AMOTL1: variants seen among roughly 807,000 people sequenced by gnomAD.
AMOTL1 encodes the protein angiomotin like 1.
A neutral mutation model predicts 102.9 loss-of-function variants in AMOTL1; 45 were observed. The observed-to-expected ratio is 0.44, with a 90% CI of 0.34 to 0.56. The LOEUF (loss-of-function observed/expected upper bound fraction) is 0.56, where lower values mean the gene tolerates loss of function less well. Among genes scored for constraint, AMOTL1 ranks in the 20% least tolerant of loss-of-function variants. AMOTL1 has a pLI of 0.01. For missense variants in AMOTL1, 1,114 were observed against 1,225.6 expected (o/e 0.91, Z 1.36); for synonymous variants, 481 against 484.7 (o/e 0.99, Z 0.10).
At chr11:94,707,337 T>C (rs1157017069) in intron 1 of AMOTL1, among the ~76,000 whole-genome samples, 1 of 151,296 alleles carries the variant, frequency 6.6e-6, no homozygotes, top group African/African-American at 2.4e-5. Context: ...CAACACTTCC[T>C]ATGAGTTATA....
chr11:94,832,807 T>G (rs917059707), intron 6 of AMOTL1, among the ~76,000 whole-genome samples: 6 of 152,254 alleles, frequency 3.9e-5, no homozygotes, highest in Non-Finnish European at 8.8e-5. Context: ...TTAGTGTCTT[T>G]GGCAGGTATG....
chr11:94,808,419 C>T (rs1188090344), intron 3 of AMOTL1, among the ~76,000 whole-genome samples: 1 of 152,176 alleles, frequency 6.6e-6, no homozygotes, highest in Non-Finnish European at 1.5e-5. Context: ...TCACTACATC[C>T]TTTTTCTATT....
At chr11:94,772,656 A>G (rs1950971405) in intron 1 of AMOTL1, among the ~76,000 whole-genome samples, 1 of 152,206 alleles carries the variant, frequency 6.6e-6, no homozygotes, top group African/African-American at 2.4e-5. Flanking sequence ...TATTTCACAT[A>G]AAGTTTTTAT....
Position 94,795,032 on chromosome 11 carries a change from G to T in AMOTL1, c.71G>T (p.Ser24Ile), listed in dbSNP as rs777772077. Residue 24 changes from serine (S) to isoleucine (I), a missense_variant, in exon 2 of 13, where the codon AGC becomes ATC. Ser to Ile is a moderately radical substitution (Grantham distance 142, BLOSUM62 -2). Transcript: ENST00000433060. The part of the protein sequence containing the change: ...AVKGSPSACY[S>I]PSSPVQVLED... ...CCAGGGTCCCCTTCTGCTTGTTATA[G>T]CCCCAGTAGTCCTGTCCAGGTTCTA... is the stretch of plus-strand genomic sequence containing the variant. 1 of 1,611,190 alleles carries T rather than the reference G, an allele frequency of 6.2e-7. No individual in the cohort carries two copies. The highest frequency in any genetic ancestry group is 8.5e-7 in the Non-Finnish European group (1 of 1,179,074).
At position 94,830,210 on chromosome 11, in the gene AMOTL1, TTCTC is replaced by T. The variant is rs1565371612; in HGVS notation, c.1558+20_1558+23del. The stretch of plus-strand genomic sequence containing the variant: ...GACCTCCGAGGCAGGTTTATTCATG[TTCTC>T]TCTATCTAAACTACCTGTAGAGTTT... On this transcript the variant is annotated intron_variant, in intron 5 of 12. Transcript: ENST00000433060. 2 of 1,586,644 alleles carry T rather than the reference TTCTC, an allele frequency of 1.3e-6. No homozygotes were observed. The highest frequency in any genetic ancestry group is 1.7e-6 in the Non-Finnish European group (2 of 1,169,046).
intron 1 of AMOTL1, among the ~76,000 whole-genome samples, chr11:94,714,837 C>A (rs1162071761): frequency 6.6e-6 from 1 of 151,958 alleles, no homozygotes; most frequent in African/African-American, 2.4e-5. Flanking sequence ...TTCATGAATT[C>A]TTTCTATTGC....
Position 94,869,492 on chromosome 11 carries a change from C to T in AMOTL1, c.2764+19C>T, listed in dbSNP as rs754431753. 1 of 1,571,856 alleles carries T rather than the reference C, an allele frequency of 6.4e-7. No individual in the cohort carries two copies. The highest frequency in any genetic ancestry group is 2.3e-5 in the East Asian group (1 of 43,184). ...AAACTGGGTATGTGGGCTACCCCAC[C>T]TTGATGCCCCTGAAAACTGTGGAAC... On this transcript the variant is annotated intron_variant, in intron 12 of 12. Coordinates refer to ENST00000433060, the MANE Select transcript of AMOTL1 (RefSeq NM_130847.3).
rs376729197 is a variant in AMOTL1, at chr11:94,799,699, C to G, written c.509C>G (p.Thr170Arg). The change falls in exon 3 of 13, where the codon ACG becomes AGG. Residue 170 changes from threonine to arginine, a missense_variant. Coordinates refer to ENST00000433060, the MANE Select transcript of AMOTL1 (RefSeq NM_130847.3). This position sits in a 1 kb window ranked among gnomAD's most constrained non-coding sequence, Gnocchi z 4.5. ...GGTCAAGAACACCAGGTGGACAATACGGTGATGGAGAAACAGGTCCGGTCC... is the reference window on the plus strand; with the variant it reads ...GGTCAAGAACACCAGGTGGACAATAGGGTGATGGAGAAACAGGTCCGGTCC... ...PQGQEHQVDN[T>R]VMEKQVRSTQ... 5.6e-6 allele frequency: 9 copies of G among 1,613,842 alleles called. No individual in the cohort carries two copies. The highest frequency in any genetic ancestry group is 7.6e-6 in the Non-Finnish European group (9 of 1,179,874).
intron 3 of AMOTL1, among the ~76,000 whole-genome samples, chr11:94,807,162 A>G (rs544178936): frequency 6.6e-6 from 1 of 152,326 alleles, no homozygotes; most frequent in African/African-American, 2.4e-5. Flanking sequence ...CCCCAAAAGA[A>G]AGAAAATAGA....
chr11:94,737,936 T>A (rs1399484828), intron 2 of AMOTL1, among the ~76,000 whole-genome samples: 1 of 152,110 alleles, frequency 6.6e-6, no homozygotes, highest in Non-Finnish European at 1.5e-5. Context: ...AAAGGGGAGA[T>A]GAGAATTGGA....
intron 6 of AMOTL1, among the ~76,000 whole-genome samples, chr11:94,832,041 C>G (rs1490827813): frequency 5.9e-5 from 9 of 152,184 alleles, no homozygotes; most frequent in Admixed American, 5.9e-4. Context: ...GAGACCATTT[C>G]AGCCAGGAAT....
upstream of AMOTL1, among the ~76,000 whole-genome samples, chr11:94,764,944 T>C (rs1591942194): frequency 6.6e-6 from 1 of 152,178 alleles, no homozygotes; most frequent in Admixed American, 6.5e-5. Context: ...TGTCTAGAAA[T>C]AGATAGAACA....
intron 1 of AMOTL1, among the ~76,000 whole-genome samples, chr11:94,717,409 C>A (rs1950113835): frequency 6.7e-6 from 1 of 148,554 alleles, no homozygotes; most frequent in Admixed American, 6.8e-5. Flanking sequence ...AGTATGGGTA[C>A]AAAACTGTAG....
At chr11:94,860,932 T>C (rs1476421079) in intron 9 of AMOTL1, among the ~76,000 whole-genome samples, 2 of 152,180 alleles carry the variant, frequency 1.3e-5, no homozygotes, top group Non-Finnish European at 2.9e-5. Context: ...ATTATCGACG[T>C]AGGGGAGAAT....
chr11:94,771,265 G>GT (rs199764906), intron 1 of AMOTL1, among the ~76,000 whole-genome samples: 5 of 146,362 alleles, frequency 3.4e-5, no homozygotes, highest in Middle Eastern at 3.5e-3. Flanking sequence ...GGGTTGGGGG[G>GT]GGGGTGCGGT....
upstream of AMOTL1, among the ~76,000 whole-genome samples, chr11:94,765,681 C>G (rs1404794283): frequency 6.6e-6 from 1 of 152,200 alleles, no homozygotes; most frequent in Non-Finnish European, 1.5e-5. Context: ...CATTGCAGGT[C>G]TAAGAATCTG....
chr11:94,824,586 G>A (rs952217816), intron 4 of AMOTL1, among the ~76,000 whole-genome samples: 3 of 152,188 alleles, frequency 2.0e-5, no homozygotes, highest in Non-Finnish European at 2.9e-5. Flanking sequence ...TGTGCCTTGC[G>A]TTCCTAAGGT....
At chr11:94,747,872 T>G (rs2135486025) in intron 3 of AMOTL1, among the ~76,000 whole-genome samples, 1 of 152,304 alleles carries the variant, frequency 6.6e-6, no homozygotes, top group South Asian at 2.1e-4. Context: ...CTTGATTGCC[T>G]CAGCCTGGAG....
At position 94,853,916 on chromosome 11, in the gene AMOTL1, T is replaced by C. The variant is rs1166183354; in HGVS notation, c.1795-17T>C. ...GTGGTCTAAATTCTGTGCTCTTTTT[T>C]ACTCTTCTCCACTCAGTTACGAGAG... is the stretch of plus-strand genomic sequence containing the variant. On this transcript the variant is annotated splice_polypyrimidine_tract_variant and intron_variant, in intron 7 of 12. Transcript: ENST00000433060. The C allele has an allele frequency of 5.0e-6, 8 of 1,603,336 alleles. No homozygotes were observed. The East Asian group carries it at 6.7e-5, about 13-fold the overall frequency.
Sources: allele counts gnomAD v4.1 joint callset (sites outside exome capture counted in the v4.1 genomes callset), GRCh38; gene constraint gnomAD v4.1.1; non-coding constraint Gnocchi (gnomAD v3.1); transcripts MANE v1.5; gene names NCBI Gene and HGNC (gene_info 2026-07-23, HGNC 2026-07-21).